The following MGAT5 variants were observed in gnomAD, a reference collection of about 807,000 sequenced individuals.
MGAT5 encodes alpha-1,6-mannosylglycoprotein 6-beta-N-acetylglucosaminyltransferase.
Under a neutral mutation model 94.3 loss-of-function variants are expected in MGAT5, and 30 were observed. The ratio of observed to expected loss-of-function variants is 0.32; its 90% CI spans 0.24 to 0.43. MGAT5 has a LOEUF of 0.43. Among genes scored for constraint, MGAT5 ranks in the 20% least tolerant of loss-of-function variants. The pLI, the probability that MGAT5 is intolerant of heterozygous loss-of-function variation, is 1.00. For synonymous variants in MGAT5, 310 were observed against 322.9 expected (o/e 0.96, Z 0.43); for missense variants, 691 against 905.5 (o/e 0.76, Z 3.04).
At chr2:134,227,162 G>A (rs1681108598) in intron 1 of MGAT5, among the ~76,000 whole-genome samples, 1 of 152,026 alleles carries the variant, frequency 6.6e-6, no homozygotes, top group South Asian at 2.1e-4. Flanking sequence ...ACAAAGAATG[G>A]CTCCCATCTG....
chr2:134,247,375 C>CAA (rs71398602), intron 1 of MGAT5, among the ~76,000 whole-genome samples: 4 of 122,442 alleles, frequency 3.3e-5, no homozygotes, highest in African/African-American at 1.1e-4. Context: ...AAAAAAAAAA[C>CAA]AAAAAAAAAA....
rs141669734 is a variant in MGAT5, at chr2:134,409,924, C to T, written c.1531-2945C>T. On this transcript the variant is annotated intron_variant, in intron 11 of 15. Coordinates refer to ENST00000281923, the MANE Select transcript of MGAT5 (RefSeq NM_002410.5). ...AATTTAATCCTAGATCCCACAATCC[C>T]TCTGTGTAGAAATACTCATTGATGG... is the stretch of plus-strand genomic sequence containing the variant. Among the ~76,000 whole-genome samples, 14 of 152,298 alleles carry T rather than the reference C, an allele frequency of 9.2e-5. No individual in the cohort carries two copies. The East Asian group carries it at 2.7e-3, about 29-fold the overall frequency.
At chr2:134,308,983 C>T (rs1443863976) in intron 2 of MGAT5, among the ~76,000 whole-genome samples, 1 of 152,198 alleles carries the variant, frequency 6.6e-6, no homozygotes, top group African/African-American at 2.4e-5. Context: ...CACCATATCA[C>T]CTCTCCTCCC....
In MGAT5 at chr2:134,189,602, G is replaced by GTTTTTTTTTTTTTTTTTTTT. The variant is rs912983981; in HGVS notation, c.-142-64642_-142-64641insTTTTTTTTTTTTTTTTTTTT. On this transcript the variant is annotated intron_variant, in intron 1 of 16. Coordinates refer to the MGAT5 transcript ENST00000409645. ...AACCTCATGGCTCTAGTTTTTTTTT[G>GTTTTTTTTTTTTTTTTTTTT]TTTTTTTTTTTTTTTTTTAAGACAG... Among the ~76,000 whole-genome samples, 449 of 84,590 alleles carry GTTTTTTTTTTTTTTTTTTTT rather than the reference G, an allele frequency of 5.3e-3. 54 individuals carry two copies. The highest frequency in any genetic ancestry group is 6.2e-3 in the Non-Finnish European group (272 of 43,562). The allele number at this position is 84,590 out of a possible 152,430, so 55.5% of individuals were successfully genotyped here.
At chr2:134,341,072 A>G (rs1223378871) in intron 6 of MGAT5, among the ~76,000 whole-genome samples, 1 of 152,156 alleles carries the variant, frequency 6.6e-6, no homozygotes, top group Admixed American at 6.6e-5. Context: ...AGATGAAAGG[A>G]TATGTCTAGA....
At chr2:134,316,349 C>T (rs1306746277) in intron 2 of MGAT5, among the ~76,000 whole-genome samples, 7 of 152,122 alleles carry the variant, frequency 4.6e-5, no homozygotes, top group East Asian at 1.9e-4. Flanking sequence ...GTTCCTTGAA[C>T]GGCATCGTTA....
intron 1 of MGAT5, among the ~76,000 whole-genome samples, chr2:134,139,509 G>A (rs983686869): frequency 2.6e-5 from 4 of 152,102 alleles, no homozygotes; most frequent in African/African-American, 7.2e-5. Flanking sequence ...ACAAGCCTTT[G>A]TACCTCTGTG....
chr2:134,122,170 T>C (rs1415053718), intron 1 of MGAT5, among the ~76,000 whole-genome samples: 1 of 152,002 alleles, frequency 6.6e-6, no homozygotes, highest in Non-Finnish European at 1.5e-5. Flanking sequence ...AATGGTGCGA[T>C]CTCGGCTCAC....
At chr2:134,393,172 C>T (rs373266715) in intron 10 of MGAT5, among the ~76,000 whole-genome samples, 1 of 152,270 alleles carries the variant, frequency 6.6e-6, no homozygotes, top group African/African-American at 2.4e-5. Flanking sequence ...TTGCCGAAGT[C>T]CCATAAGAAG....
chr2:134,235,584 C>T (rs1681596673), intron 1 of MGAT5, among the ~76,000 whole-genome samples: 1 of 151,980 alleles, frequency 6.6e-6, no homozygotes, highest in African/African-American at 2.4e-5. Flanking sequence ...ACTGAACACC[C>T]TGGGAAAAAT....
intron 1 of MGAT5, among the ~76,000 whole-genome samples, chr2:134,219,749 C>A (rs1450861979): frequency 6.6e-6 from 1 of 152,112 alleles, no homozygotes; most frequent in East Asian, 1.9e-4. Context: ...TACGGAATCA[C>A]AAAAACACAG....
At chr2:134,358,081 A>C (rs1229657695) in intron 9 of MGAT5, among the ~76,000 whole-genome samples, 2 of 152,086 alleles carry the variant, frequency 1.3e-5, no homozygotes, top group African/African-American at 4.8e-5. Flanking sequence ...TCAGCCATAC[A>C]AAAAAATAGA....
chr2:134,441,695 C>G, intron 14 of MGAT5, 63 bp from the exon 15 acceptor site: 1 of 1,547,038 alleles, frequency 6.5e-7, no homozygotes, highest in South Asian at 1.2e-5. Flanking sequence ...GGGTGGTTGG[C>G]AGGGCTGGGG....
At chr2:134,447,560 CA>C (rs1260076581) in intron 15 of MGAT5, among the ~76,000 whole-genome samples, 1 of 152,226 alleles carries the variant, frequency 6.6e-6, no homozygotes, top group Non-Finnish European at 1.5e-5. Context: ...AGCCAGGACT[CA>C]AACCCAGGTC....
chr2:134,365,080 G>T (rs1279802929), intron 10 of MGAT5, among the ~76,000 whole-genome samples: 1 of 152,190 alleles, frequency 6.6e-6, no homozygotes, highest in Non-Finnish European at 1.5e-5. Flanking sequence ...AAGGGAAGTG[G>T]CACCTTTGTG....
At position 134,254,412 on chromosome 2, in the gene MGAT5, C is replaced by T. The variant is rs1682804442; in HGVS notation, c.9C>T (p.Leu3=). ...GAAGTTGCCAGAGAGCAATGGCTCT[C>T]TTCACTCCGTGGAAGTTGTCCTCTC... is the stretch of plus-strand genomic sequence containing the variant. MA[L]FTPWKLSSQK... Residue 3 remains leucine, a synonymous_variant, in exon 1 of 16, where the codon CTC becomes CTT. Transcript: ENST00000281923. 1 of 1,614,090 alleles carries T rather than the reference C, an allele frequency of 6.2e-7. No homozygotes were observed. Among genetic ancestry groups the T allele is most frequent in the African/African-American group, 1.3e-5 (1 of 74,926 alleles).
At chr2:134,344,640 G>C (rs147893131) in intron 7 of MGAT5, among the ~76,000 whole-genome samples, 522 of 152,216 alleles carry the variant, frequency 3.4e-3, no homozygotes, top group Non-Finnish European at 6.3e-3. Context: ...ACTTGTTTAA[G>C]GTCTCACAGC....
At chr2:134,147,832 G>T (rs561980209) in intron 1 of MGAT5, among the ~76,000 whole-genome samples, 24 of 152,286 alleles carry the variant, frequency 1.6e-4, no homozygotes, top group African/African-American at 5.5e-4. Context: ...AAAAATAGAC[G>T]CTGAGTTCTA....
chr2:134,399,286 G>C (rs1244896190), intron 10 of MGAT5, among the ~76,000 whole-genome samples: 1 of 152,186 alleles, frequency 6.6e-6, no homozygotes, highest in Non-Finnish European at 1.5e-5. Flanking sequence ...GGACTTACAG[G>C]AGTGTTGCGT....
Sources: gnomAD v4.1 joint callset for allele counts (sites outside exome capture counted in the v4.1 genomes callset) on GRCh38, gnomAD v4.1.1 for gene constraint, MANE v1.5 for transcripts, NCBI Gene and HGNC (gene_info 2026-07-23, HGNC 2026-07-21) for gene names.